Variants in RNF157 observed in about 807,000 individuals in gnomAD.
RNF157 encodes E3 ubiquitin ligase RNF157.
A neutral mutation model predicts 88.3 loss-of-function variants in RNF157; 55 were observed. The observed-to-expected ratio is 0.62, with a 90% confidence interval of 0.50 to 0.78. The LOEUF (loss-of-function observed/expected upper bound fraction) is 0.78, where lower values mean the gene tolerates loss of function less well. Among genes scored for constraint, RNF157 ranks in the 30% least tolerant of loss-of-function variants. The pLI is 0.00. For missense variants in RNF157, 788 were observed against 860.8 expected, an observed-to-expected ratio of 0.92 and a Z score of 1.06; for synonymous variants, 334 against 341.2, an observed-to-expected ratio of 0.98 and a Z score of 0.23.
intron 3 of RNF157, among the ~76,000 whole-genome samples, chr17:76,172,651 A>AATATAT (rs142019894): frequency 1.7e-4 from 25 of 144,288 alleles, no homozygotes; most frequent in African/African-American, 6.2e-4. Flanking sequence ...CTCTGTCTCA[A>AATATAT]ATATATATAT....
At chr17:76,149,254 C>T (rs927888147) in intron 18 of RNF157, among the ~76,000 whole-genome samples, 2 of 151,966 alleles carry the variant, frequency 1.3e-5, no homozygotes, top group African/African-American at 4.8e-5. Flanking sequence ...TCCTTGCCAC[C>T]AGCCAGGTCT....
chr17:76,226,393 C>A, intron 1 of RNF157: 2 of 1,594,954 alleles, frequency 1.3e-6, no homozygotes, highest in Non-Finnish European at 1.7e-6. Flanking sequence ...CAATTGGGTT[C>A]ACCATCTGGG....
chr17:76,218,983 C>T (rs1337069758), intron 1 of RNF157, among the ~76,000 whole-genome samples: 1 of 151,462 alleles, frequency 6.6e-6, no homozygotes, highest in Non-Finnish European at 1.5e-5. Context: ...TACAGTACAG[C>T]TCTCAAAAAA....
chr17:76,161,515 T>C lies in RNF157; in HGVS notation c.1065+20A>G, dbSNP rs777991658. 2.5e-5 allele frequency: 39 copies of C among 1,576,294 alleles called. No individual in the cohort carries two copies. Among genetic ancestry groups the C allele is most frequent in the Middle Eastern group, 3.4e-4 (2 of 5,966 alleles). On this transcript the variant is annotated intron_variant, in intron 11 of 18. Coordinates refer to ENST00000269391, the MANE Select transcript of RNF157 (RefSeq NM_052916.3). This position sits in a 1 kb window ranked among gnomAD's most constrained non-coding sequence, Gnocchi z 4.6. ...TGAGGCATTTGCTTCAGAGGGGCCG[T>C]GGTTCCGAGCCCAACTTACTGGATG...
intron 9 of RNF157, 28 bp from the exon 10 acceptor site, chr17:76,162,030 A>T (rs1000291720): frequency 6.2e-7 from 1 of 1,607,526 alleles, no homozygotes; most frequent in South Asian, 1.1e-5. Flanking sequence ...AATGTAGCCA[A>T]TGGCACAAAG....
rs866621011 is a variant in RNF157 at position 76,212,376 on chromosome 17, G to C, written c.195C>G (p.Asn65Lys). 3 of 1,610,738 alleles carry C rather than the reference G, an allele frequency of 1.9e-6. No homozygotes were observed. The highest frequency in any genetic ancestry group is 2.5e-6 in the Non-Finnish European group (3 of 1,177,032). ...GENSDLNFLG[N>K]RPVVFPYAAP... ...ATTACAGCCATACCACAACTGGTCT[G>C]TTCCCCAGAAAGTTCAGATCGCTGT... is the stretch of plus-strand genomic sequence containing the variant. The change falls in exon 2 of 19, where the codon AAC becomes AAG. Residue 65 changes from asparagine to lysine, a missense_variant. Asn to Lys is a moderately conservative substitution (Grantham distance 94, BLOSUM62 0). Transcript: ENST00000269391.
At chr17:76,191,936 G>A (rs891185909) in intron 2 of RNF157, among the ~76,000 whole-genome samples, 1 of 152,128 alleles carries the variant, frequency 6.6e-6, no homozygotes, top group African/African-American at 2.4e-5. Context: ...TATTTGACTC[G>A]TAAGTCTTTG....
chr17:76,205,993 G>A (rs2069675583), intron 2 of RNF157, among the ~76,000 whole-genome samples: 1 of 152,162 alleles, frequency 6.6e-6, no homozygotes, highest in South Asian at 2.1e-4. Flanking sequence ...ACTCTCAGAG[G>A]CCAAGACAGG....
chr17:76,181,292 T>C (rs2069184286), intron 2 of RNF157, among the ~76,000 whole-genome samples: 1 of 152,076 alleles, frequency 6.6e-6, no homozygotes, highest in Non-Finnish European at 1.5e-5. Context: ...GCCAAAAATC[T>C]CCAATGGCGC....
chr17:76,156,987 A>G (rs1598390481), intron 13 of RNF157, among the ~76,000 whole-genome samples: 1 of 145,274 alleles, frequency 6.9e-6, no homozygotes, highest in African/African-American at 2.6e-5. Context: ...TTTGAGATGG[A>G]GTCTCGCTCT....
intron 1 of RNF157, among the ~76,000 whole-genome samples, chr17:76,219,613 G>A (rs1251293472): frequency 6.6e-6 from 1 of 152,104 alleles, no homozygotes; most frequent in Non-Finnish European, 1.5e-5. Context: ...CTGGAACCAT[G>A]TAAACATTTT....
chr17:76,210,588 C>CAAAAAAAAAAAAAAAAAAAA (rs71161274), intron 2 of RNF157, among the ~76,000 whole-genome samples: 4 of 53,498 alleles, frequency 7.5e-5, no homozygotes, highest in Admixed American at 2.4e-4. Context: ...AGACTCCGTC[C>CAAAAAAAAAAAAAAAAAAAA]AAAAAAAAAA....
At chr17:76,183,975 A>G (rs1034136697) in intron 2 of RNF157, among the ~76,000 whole-genome samples, 1 of 152,134 alleles carries the variant, frequency 6.6e-6, no homozygotes. Context: ...GGGTTGGTTG[A>G]GGCCAGGAGT....
intron 13 of RNF157, among the ~76,000 whole-genome samples, chr17:76,156,915 C>T (rs1207204741): frequency 1.3e-5 from 2 of 152,118 alleles, no homozygotes; most frequent in African/African-American, 2.4e-5. Flanking sequence ...CTTCCCTTCC[C>T]TCCAGGCGCT....
At position 76,240,318 on chromosome 17, in the gene RNF157, C is replaced by CACCGG; in HGVS notation, c.-79_-78insCCGGT. 4.3e-6 allele frequency: 3 copies of CACCGG among 700,438 alleles called. No homozygotes were observed. The highest frequency in any genetic ancestry group is 5.2e-6 in the Non-Finnish European group (3 of 572,326). 43.4% of individuals were successfully genotyped at this position (700,438 alleles called of 1,614,324 possible). ...CGCTTCACCGCGGCCGCCCGCCCCG[C>CACCGG]GCCCGGTGCGGGGGCCGACTGCCCG... On this transcript the variant is annotated 5_prime_UTR_variant, in exon 1 of 19. It removes the in-frame stop codon of an upstream open reading frame in the 5' UTR. Coordinates refer to ENST00000269391, the MANE Select transcript of RNF157 (RefSeq NM_052916.3). This position sits in a 1 kb window ranked among gnomAD's most constrained non-coding sequence, Gnocchi z 4.4.
intron 2 of RNF157, among the ~76,000 whole-genome samples, chr17:76,192,361 C>T (rs2069401519): frequency 6.6e-6 from 1 of 152,160 alleles, no homozygotes; most frequent in Non-Finnish European, 1.5e-5. Context: ...ATTTTTCACT[C>T]CCTGCTCTGT....
intron 1 of RNF157, among the ~76,000 whole-genome samples, chr17:76,231,554 T>G (rs1047809189): frequency 3.9e-5 from 6 of 152,050 alleles, no homozygotes; most frequent in African/African-American, 1.4e-4. Context: ...GGCCTTGGCC[T>G]CCCAAAGTGG....
chr17:76,222,849 C>T (rs896686649), intron 1 of RNF157, among the ~76,000 whole-genome samples: 8 of 151,502 alleles, frequency 5.3e-5, no homozygotes, highest in Non-Finnish European at 1.2e-4. Flanking sequence ...AATGTAATGT[C>T]TATTATTTCA....
At chr17:76,193,541 C>A (rs1285186030) in intron 2 of RNF157, among the ~76,000 whole-genome samples, 1 of 151,358 alleles carries the variant, frequency 6.6e-6, no homozygotes, top group Admixed American at 6.6e-5. Context: ...GCTACCCCCA[C>A]CACCCCCCAC....
Sources: gnomAD v4.1 joint callset for allele counts (sites outside exome capture counted in the v4.1 genomes callset) on GRCh38, gnomAD v4.1.1 for gene constraint, Gnocchi (gnomAD v3.1) non-coding constraint, MANE v1.5 for transcripts, NCBI Gene and HGNC (gene_info 2026-07-23, HGNC 2026-07-21) for gene names.